The following SNRK variants were observed in gnomAD, a reference collection of about 807,000 sequenced individuals.
SNRK encodes the protein SNF-related serine/threonine-protein kinase.
In SNRK, 3 loss-of-function variants were observed where a neutral mutation model predicts 48.2. The observed-to-expected ratio is 0.06, with a 90% CI of 0.03 to 0.16. The LOEUF is 0.16. Ranked by LOEUF, SNRK falls within the 10% of genes least tolerant of loss-of-function variation. The pLI is 1.00. For synonymous variants in SNRK, 376 were observed against 366.1 expected (o/e 1.03, Z -0.31); for missense variants, 627 against 976.0 (o/e 0.64, Z 4.76).
chr3:43,338,459 ATCT>A (rs937050401), intron 4 of SNRK, among the ~76,000 whole-genome samples: 2 of 152,200 alleles, frequency 1.3e-5, no homozygotes, highest in African/African-American at 2.4e-5. Context: ...CCATCTTATC[ATCT>A]TCTTGTCTCC....
At chr3:43,340,617 G>C in intron 5 of SNRK, 118 bp downstream of exon 5, 1 of 884,364 alleles carries the variant, frequency 1.1e-6, no homozygotes, top group Non-Finnish European at 1.7e-6. Flanking sequence ...CAGTTGGCAA[G>C]AGTTGTGTCA....
At chr3:43,302,258 T>A (rs575666200) in intron 2 of SNRK, among the ~76,000 whole-genome samples, 2 of 152,288 alleles carry the variant, frequency 1.3e-5, no homozygotes, top group African/African-American at 2.4e-5. Context: ...GTTTAAAAAG[T>A]CAATGTTAAT....
intron 4 of SNRK, among the ~76,000 whole-genome samples, chr3:43,337,370 A>G (rs1410835735): frequency 1.3e-5 from 2 of 152,046 alleles, no homozygotes; most frequent in Non-Finnish European, 1.5e-5. Context: ...CACTGTGCCC[A>G]GGGGCCTCAT....
chr3:43,323,014 A>C (rs868857922), intron 3 of SNRK, among the ~76,000 whole-genome samples: 6 of 151,762 alleles, frequency 4.0e-5, no homozygotes, highest in Admixed American at 6.6e-5. Context: ...AATAGAATAG[A>C]AAGTCCATAA....
chr3:43,331,981 C>G (rs182432048), intron 3 of SNRK, among the ~76,000 whole-genome samples, 188 bp from the exon 4 acceptor site: 1 of 152,324 alleles, frequency 6.6e-6, no homozygotes, highest in East Asian at 1.9e-4. Context: ...CTAGCAATTA[C>G]TGTAAAAACA....
chr3:43,325,288 C>T (rs2091087283), intron 3 of SNRK, among the ~76,000 whole-genome samples: 1 of 152,198 alleles, frequency 6.6e-6, no homozygotes, highest in African/African-American at 2.4e-5. Flanking sequence ...GCCTCAGCCT[C>T]CTGAGTAGCT....
chr3:43,301,933 T>G (rs2090900857), intron 2 of SNRK, among the ~76,000 whole-genome samples: 1 of 152,246 alleles, frequency 6.6e-6, no homozygotes, highest in Non-Finnish European at 1.5e-5. Flanking sequence ...CACGTTTGTT[T>G]TTCTGAGTCA....
intron 3 of SNRK, among the ~76,000 whole-genome samples, chr3:43,327,249 G>A (rs1312798422): frequency 6.6e-6 from 1 of 152,126 alleles, no homozygotes; most frequent in East Asian, 1.9e-4. Flanking sequence ...AAAAGCAAAG[G>A]TCTTAGGTTT....
At chr3:43,339,871 A>ATG (rs1232363488) in intron 4 of SNRK, among the ~76,000 whole-genome samples, 1 of 96,278 alleles carries the variant, frequency 1.0e-5, no homozygotes, top group African/African-American at 3.7e-5. Flanking sequence ...ATATATATAT[A>ATG]TATGTTACAT....
chr3:43,322,917 A>G (rs2091065152), intron 3 of SNRK, among the ~76,000 whole-genome samples: 1 of 131,232 alleles, frequency 7.6e-6, no homozygotes, highest in African/African-American at 2.7e-5. Flanking sequence ...GTGCCACTGC[A>G]CTACAGCCTG....
chr3:43,340,649 C>T (rs1559470619), intron 5 of SNRK, 150 bp downstream of exon 5: 3 of 709,744 alleles, frequency 4.2e-6, no homozygotes, highest in East Asian at 5.5e-5. Flanking sequence ...AGTTCTTGGC[C>T]CAGGGCCTGA....
chr3:43,326,261 T>G (rs776196764), intron 3 of SNRK, among the ~76,000 whole-genome samples: 9 of 152,074 alleles, frequency 5.9e-5, no homozygotes, highest in Non-Finnish European at 1.3e-4. Context: ...AGTCTCCTTT[T>G]CTTCTTAGCT....
intron 1 of SNRK, among the ~76,000 whole-genome samples, chr3:43,298,237 A>G (rs777101006): frequency 1.5e-4 from 23 of 152,176 alleles, no homozygotes; most frequent in Non-Finnish European, 2.9e-4. Flanking sequence ...GTGATTGGTG[A>G]GCTGGGATTC....
chr3:43,303,379 A>G lies in SNRK; in HGVS notation c.176A>G (p.His59Arg). 1.2e-6 allele frequency: 2 copies of G among 1,614,192 alleles called. No homozygotes were observed. Among genetic ancestry groups the G allele is most frequent in the Non-Finnish European group, 1.7e-6 (2 of 1,180,020 alleles). The change falls in exon 3 of 7, where the codon CAT becomes CGT. Residue 59 changes from histidine to arginine, a missense_variant. By Grantham distance (29) the His-to-Arg change is conservative. This residue lies in a region of SNRK where 147 missense variants were observed against 356.8 expected (regional missense o/e 0.41). Coordinates refer to ENST00000296088, the MANE Select transcript of SNRK (RefSeq NM_017719.5). The surrounding 1 kb of genome is among the most constrained non-coding windows in gnomAD (Gnocchi z 6.2). ...KTKLDTLATGHLFQEVRCMKL... is the reference protein window; with the variant it reads ...KTKLDTLATGRLFQEVRCMKL... Reference sequence around the variant, plus strand: ...AAACTGGACACTCTAGCTACTGGTCATCTTTTCCAGGAAGTGAGATGCATG... The same window carrying G: ...AAACTGGACACTCTAGCTACTGGTCGTCTTTTCCAGGAAGTGAGATGCATG...
At chr3:43,339,818 AAT>A (rs71083066) in intron 4 of SNRK, among the ~76,000 whole-genome samples, 351 of 66,268 alleles carry the variant, frequency 5.3e-3, no homozygotes, top group Non-Finnish European at 6.1e-3. Flanking sequence ...CCATTTCCAA[AAT>A]ATATATATAT....
intron 4 of SNRK, among the ~76,000 whole-genome samples, chr3:43,337,674 C>T (rs2091201938): frequency 6.6e-6 from 1 of 152,104 alleles, no homozygotes; most frequent in South Asian, 2.1e-4. Flanking sequence ...TGCAGTTCAG[C>T]ATGGCTGGAG....
At position 43,347,711 on chromosome 3, in the gene SNRK, C is replaced by T. The variant is rs371505513; in HGVS notation, c.1452C>T (p.Pro484=). Residue 484 remains proline, a synonymous_variant, in exon 7 of 7, where the codon CCC becomes CCT. Coordinates refer to ENST00000296088, the MANE Select transcript of SNRK (RefSeq NM_017719.5). The surrounding 1 kb of genome is among the most constrained non-coding windows in gnomAD (Gnocchi z 5.4). ...GCCTGACATCCAGGAAGAGTGCGCC[C>T]GTCCTCAACCAGATCTTTGAGGAAG... is the stretch of plus-strand genomic sequence containing the variant. ...TNRLTSRKSA[P]VLNQIFEEGE... 8.7e-5 allele frequency: 141 copies of T among 1,613,798 alleles called. 2 individuals carry two copies. The South Asian group carries it at 1.2e-3, about 13-fold the overall frequency.
At chr3:43,326,505 G>A (rs1321354034) in intron 3 of SNRK, among the ~76,000 whole-genome samples, 1 of 152,110 alleles carries the variant, frequency 6.6e-6, no homozygotes, top group Non-Finnish European at 1.5e-5. Context: ...AGTATTGGAG[G>A]GAAATAGAAT....
At chr3:43,310,822 T>A (rs940007267) in intron 3 of SNRK, among the ~76,000 whole-genome samples, 1 of 152,202 alleles carries the variant, frequency 6.6e-6, no homozygotes, top group South Asian at 2.1e-4. Flanking sequence ...CATATTTTGT[T>A]TTTTTTATTT....
Sources: allele counts gnomAD v4.1 joint callset (sites outside exome capture counted in the v4.1 genomes callset), GRCh38; gene constraint gnomAD v4.1.1; regional missense constraint gnomAD v4.1.1; non-coding constraint Gnocchi (gnomAD v3.1); transcripts MANE v1.5; gene names NCBI Gene and HGNC (gene_info 2026-07-23, HGNC 2026-07-21).